The following NRG3 variants were observed in gnomAD, a reference collection of about 807,000 sequenced individuals.
NRG3 encodes the protein pro-neuregulin-3, membrane-bound isoform.
Under a neutral mutation model 66.9 loss-of-function variants are expected in NRG3, and 31 were observed. The observed-to-expected ratio is 0.46, with a 90% CI of 0.35 to 0.63. The LOEUF is 0.63. Ranked by LOEUF, NRG3 falls within the 20% of genes least tolerant of loss-of-function variation. The pLI, the probability that NRG3 is intolerant of heterozygous loss-of-function variation, is 0.00. For missense variants in NRG3, 910 were observed against 878.9 expected (o/e 1.04, Z -0.45); for synonymous variants, 393 against 359.4 (o/e 1.09, Z -1.06).
At chr10:82,054,696 GAGAA>G (rs2063750062) in intron 1 of NRG3, among the ~76,000 whole-genome samples, 1 of 152,104 alleles carries the variant, frequency 6.6e-6, no homozygotes. Context: ...CGAGTGACAA[GAGAA>G]AGAAAATCAG....
chr10:82,966,415 G>A (rs909807925), intron 6 of NRG3, among the ~76,000 whole-genome samples: 7 of 152,028 alleles, frequency 4.6e-5, no homozygotes, highest in Non-Finnish European at 1.0e-4. Context: ...ATTACATGGG[G>A]TTTACTGGTT....
intron 2 of NRG3, among the ~76,000 whole-genome samples, chr10:82,622,585 C>A (rs2049114114): frequency 6.6e-6 from 1 of 152,122 alleles, no homozygotes; most frequent in Non-Finnish European, 1.5e-5. Flanking sequence ...CAGTGGAAAC[C>A]ATACTTAGAA....
chr10:82,426,012 T>A lies in NRG3; in HGVS notation c.953+67144T>A, dbSNP rs2089412150. Reference sequence around the variant, plus strand: ...GACCATCACAAATAATTCTTGGCTTTCCACCTTCCTCTAAGGTAAAACGGG... The same window carrying A: ...GACCATCACAAATAATTCTTGGCTTACCACCTTCCTCTAAGGTAAAACGGG... On this transcript the variant is annotated intron_variant, in intron 2 of 8. Coordinates refer to ENST00000372141, the MANE Select transcript of NRG3 (RefSeq NM_001010848.4). 5.3e-5 allele frequency among the ~76,000 whole-genome samples: 8 copies of A among 152,188 alleles called. 1 individual carries two copies. Among genetic ancestry groups the A allele is most frequent in the Admixed American group, 5.2e-4 (8 of 15,274 alleles).
intron 2 of NRG3, among the ~76,000 whole-genome samples, chr10:82,724,245 C>T (rs557941992): frequency 2.4e-4 from 37 of 151,152 alleles, no homozygotes; most frequent in African/African-American, 8.7e-4. Flanking sequence ...AAGACCAGAC[C>T]TCCCTTTCAT....
At chr10:82,584,590 G>A (rs190679788) in intron 2 of NRG3, among the ~76,000 whole-genome samples, 6 of 152,138 alleles carry the variant, frequency 3.9e-5, no homozygotes, top group Non-Finnish European at 7.4e-5. Flanking sequence ...TTTCCTTTGG[G>A]AATGAATATT....
At chr10:82,357,131 G>A (rs1424158593) in intron 1 of NRG3, among the ~76,000 whole-genome samples, 1 of 152,244 alleles carries the variant, frequency 6.6e-6, no homozygotes, top group Admixed American at 6.5e-5. Flanking sequence ...GGTCTGGGAA[G>A]AAGGAGCAGT....
intron 1 of NRG3, among the ~76,000 whole-genome samples, chr10:82,103,949 C>G (rs2066909225): frequency 1.3e-5 from 2 of 149,252 alleles, no homozygotes; most frequent in South Asian, 2.1e-4. Context: ...TCCCAGCGAT[C>G]TACTAGAAAG....
chr10:82,433,802 G>A (rs1459956341), intron 2 of NRG3, among the ~76,000 whole-genome samples: 1 of 152,062 alleles, frequency 6.6e-6, no homozygotes, highest in African/African-American at 2.4e-5. Context: ...TACTTCATAG[G>A]TCTATATGTC....
chr10:82,666,811 A>T (rs2052824943), intron 2 of NRG3, among the ~76,000 whole-genome samples: 1 of 152,220 alleles, frequency 6.6e-6, no homozygotes, highest in South Asian at 2.1e-4. Flanking sequence ...CTGAAAATAG[A>T]ACACTTTATT....
At chr10:82,912,484 AT>A (rs1163829837) in intron 4 of NRG3, among the ~76,000 whole-genome samples, 6 of 152,122 alleles carry the variant, frequency 3.9e-5, no homozygotes, top group Non-Finnish European at 8.8e-5. Context: ...ACACCATATT[AT>A]TTTGGATAAG....
At chr10:82,100,440 G>A (rs1304781427) in intron 1 of NRG3, among the ~76,000 whole-genome samples, 2 of 151,988 alleles carry the variant, frequency 1.3e-5, no homozygotes, top group Non-Finnish European at 2.9e-5. Flanking sequence ...GATGTATAAT[G>A]GACTTTCTTC....
At chr10:82,195,143 C>T (rs1373327462) in intron 1 of NRG3, among the ~76,000 whole-genome samples, 1 of 152,054 alleles carries the variant, frequency 6.6e-6, no homozygotes, top group African/African-American at 2.4e-5. Context: ...TCTGGTAGAA[C>T]AAGAAGCGTC....
At chr10:82,002,996 TGAG>T (rs2061233803) in intron 1 of NRG3, among the ~76,000 whole-genome samples, 1 of 152,144 alleles carries the variant, frequency 6.6e-6, no homozygotes, top group South Asian at 2.1e-4. Flanking sequence ...TAAGGGGTGT[TGAG>T]GAGGGGTGCT....
intron 1 of NRG3, among the ~76,000 whole-genome samples, chr10:81,879,934 C>T (rs983994573): frequency 6.6e-6 from 1 of 152,146 alleles, no homozygotes; most frequent in African/African-American, 2.4e-5. Flanking sequence ...AGGCATCCAA[C>T]GTAGAAGGTA....
At chr10:82,211,175 CAA>C (rs1224224286) in intron 1 of NRG3, among the ~76,000 whole-genome samples, 1 of 152,082 alleles carries the variant, frequency 6.6e-6, no homozygotes, top group African/African-American at 2.4e-5. Flanking sequence ...GGCATCTTTT[CAA>C]AGTCTCATTT....
chr10:82,881,991 G>C (rs2136065442), intron 4 of NRG3, among the ~76,000 whole-genome samples: 1 of 152,204 alleles, frequency 6.6e-6, no homozygotes, highest in Middle Eastern at 3.4e-3. Flanking sequence ...AATTTTAGTT[G>C]CATCTTGCCA....
intron 2 of NRG3, among the ~76,000 whole-genome samples, chr10:82,373,210 A>G (rs1025439915): frequency 2.6e-5 from 4 of 152,268 alleles, no homozygotes; most frequent in Non-Finnish European, 5.9e-5. Flanking sequence ...GATCAGAGAA[A>G]GAAAGTTTGT....
chr10:82,565,315 A>G (rs566111066), intron 2 of NRG3, among the ~76,000 whole-genome samples: 1 of 152,206 alleles, frequency 6.6e-6, no homozygotes, highest in South Asian at 2.1e-4. Context: ...ATGGGTTCTG[A>G]CTTGGCCTTG....
chr10:82,425,984 TG>T lies in NRG3; in HGVS notation c.953+67117del, dbSNP rs532558234. On this transcript the variant is annotated intron_variant, in intron 2 of 8. Coordinates refer to ENST00000372141, the MANE Select transcript of NRG3 (RefSeq NM_001010848.4). ...TTTTAGTGAACATGTGTCCCTGAGA[TG>T]TGACCATCACAAATAATTCTTGGCT... 1.7e-4 allele frequency among the ~76,000 whole-genome samples: 26 copies of T among 152,290 alleles called. No homozygotes were observed. In the East Asian group the frequency reaches 4.8e-3, roughly 28 times the overall value.
Sources: allele counts gnomAD v4.1 joint callset (sites outside exome capture counted in the v4.1 genomes callset), GRCh38; gene constraint gnomAD v4.1.1; transcripts MANE v1.5; gene names NCBI Gene and HGNC (gene_info 2026-07-23, HGNC 2026-07-21).